Variants in SLC5A3 observed in about 807,000 individuals in gnomAD.
SLC5A3 encodes sodium/myo-inositol cotransporter.
A neutral mutation model predicts 43.2 loss-of-function variants in SLC5A3; 10 were observed. The observed-to-expected ratio is 0.23, with a 90% CI of 0.14 to 0.39. The LOEUF (loss-of-function observed/expected upper bound fraction) is 0.39, where lower values mean the gene tolerates loss of function less well. Among genes scored for constraint, SLC5A3 ranks in the 10% least tolerant of loss-of-function variants. The probability of loss-of-function intolerance (pLI) is 1.00; values close to 1 mark genes in which losing one functional copy is unlikely to be tolerated. For missense variants in SLC5A3, 608 were observed against 893.4 expected (o/e 0.68, Z 4.07); for synonymous variants, 349 against 322.0 (o/e 1.08, Z -0.90).
In SLC5A3 at chr21:34,105,385, A is replaced by G. The variant is rs1300498213; in HGVS notation, c.*8030A>G. ...GTAGTCTTCTTCAAGAAGAAAACCAATTCTTTTTCTAATAATATCCTGTGA... is the reference window on the plus strand; with the variant it reads ...GTAGTCTTCTTCAAGAAGAAAACCAGTTCTTTTTCTAATAATATCCTGTGA... On this transcript the variant is annotated 3_prime_UTR_variant, in exon 2 of 2. Transcript: ENST00000381151. The G allele has an allele frequency of 4.0e-6, 4 of 999,428 alleles. No individual in the cohort carries two copies. The highest frequency in any genetic ancestry group is 2.3e-4 in the East Asian group (2 of 8,836). The allele number at this position is 999,428 out of a possible 1,614,324, so 61.9% of individuals were successfully genotyped here.
Position 34,104,604 on chromosome 21 carries a change from A to G in SLC5A3, c.*7249A>G. 1.0e-6 allele frequency: 1 copy of G among 1,000,216 alleles called. No individual in the cohort carries two copies. Among genetic ancestry groups the G allele is most frequent in the Non-Finnish European group, 1.2e-6 (1 of 829,950 alleles). The allele number at this position is 1,000,216 out of a possible 1,614,324, so 62.0% of individuals were successfully genotyped here. A position where few individuals can be genotyped will look rare whatever the true frequency, so the allele number is the denominator to read the frequency against. ...GAGATGTTTTAGAAGAGTTAACCTG[A>G]ACACTTTGAGGGAGAGATTATTCTT... is the stretch of plus-strand genomic sequence containing the variant. On this transcript the variant is annotated 3_prime_UTR_variant, in exon 2 of 2. Transcript: ENST00000381151.
At position 34,075,951 on chromosome 21, in the gene SLC5A3, G is replaced by C. The variant is rs931567175; in HGVS notation, c.-337+2206G>C. Among the ~76,000 whole-genome samples the C allele has an allele frequency of 3.9e-5, 6 of 152,216 alleles. No individual in the cohort carries two copies. In the South Asian group the frequency reaches 1.2e-3, roughly 32 times the overall value. On this transcript the variant is annotated intron_variant, in intron 1 of 1. Coordinates refer to ENST00000381151, the MANE Select transcript of SLC5A3 (RefSeq NM_006933.7). ...CTTGGAGAAACCACAGTTCTAACCC[G>C]AGGCACTTTGTGCTTCTGTTGCAAG...
At position 34,105,264 on chromosome 21, in the gene SLC5A3, G is replaced by A. The variant is rs1979426706; in HGVS notation, c.*7909G>A. 3.0e-6 allele frequency: 3 copies of A among 1,000,036 alleles called. No homozygotes were observed. The highest frequency in any genetic ancestry group is 3.6e-6 in the Non-Finnish European group (3 of 829,988). 61.9% of individuals were successfully genotyped at this position (1,000,036 alleles called of 1,614,324 possible). ...CCCATTTTCTTTTGTCCAGACCCAT[G>A]TTGGCAATCATGTATGAACTGTGTT... On this transcript the variant is annotated 3_prime_UTR_variant, in exon 2 of 2. Transcript: ENST00000381151.
At position 34,104,660 on chromosome 21, in the gene SLC5A3, A is replaced by G; in HGVS notation, c.*7305A>G. ...CAAAAAGCTAGCCAGGAATGAGCCT[A>G]CCACATTATTTGAGAATATCAAACC... On this transcript the variant is annotated 3_prime_UTR_variant, in exon 2 of 2. Coordinates refer to ENST00000381151, the MANE Select transcript of SLC5A3 (RefSeq NM_006933.7). The G allele has an allele frequency of 1.0e-6, 1 of 1,000,294 alleles. No homozygotes were observed. The highest frequency in any genetic ancestry group is 1.2e-6 in the Non-Finnish European group (1 of 829,982). The allele number at this position is 1,000,294 out of a possible 1,614,324, so 62.0% of individuals were successfully genotyped here.
In SLC5A3 at chr21:34,097,246, T is replaced by A; in HGVS notation, c.2048T>A (p.Val683Asp). 1 of 1,614,076 alleles carries A rather than the reference T, an allele frequency of 6.2e-7. No homozygotes were observed. The highest frequency in any genetic ancestry group is 1.3e-5 in the African/African-American group (1 of 75,042). The change falls in exon 2 of 2, where the codon GTT becomes GAT. Residue 683 changes from valine to aspartate, a missense_variant. Val to Asp is a radical substitution (Grantham distance 152, BLOSUM62 -3). Around this residue, in one of 2 missense-constraint regions of SLC5A3, gnomAD observed 210 missense variants for 224.8 expected, o/e 0.93. Transcript: ENST00000381151. ...AGAGACCTGATGGAAGAGGAGGCTGTTTGTTTACAGATGCTAGAAGAGACT... is the reference window on the plus strand; with the variant it reads ...AGAGACCTGATGGAAGAGGAGGCTGATTGTTTACAGATGCTAGAAGAGACT... The part of the protein sequence containing the change: ...SLRDLMEEEA[V>D]CLQMLEETRQ...
In SLC5A3 at chr21:34,095,375, T is replaced by C; in HGVS notation, c.177T>C (p.Asn59=). 4 of 1,614,118 alleles carry C rather than the reference T, an allele frequency of 2.5e-6. No individual in the cohort carries two copies. The highest frequency in any genetic ancestry group is 3.4e-6 in the Non-Finnish European group (4 of 1,179,994). The change falls in exon 2 of 2, where the codon AAT becomes AAC. Residue 59 remains asparagine, a synonymous_variant. Coordinates refer to ENST00000381151, the MANE Select transcript of SLC5A3 (RefSeq NM_006933.7). ...VAIGASLFVS[N]IGSEHFIGLA... Reference sequence around the variant, plus strand: ...TTGGTGCCTCTCTGTTTGTGAGCAATATTGGGAGTGAGCACTTCATTGGGC... The same window carrying C: ...TTGGTGCCTCTCTGTTTGTGAGCAACATTGGGAGTGAGCACTTCATTGGGC...
chr21:34,094,383 A>G (rs898220105), intron 1 of SLC5A3, among the ~76,000 whole-genome samples: 3 of 152,136 alleles, frequency 2.0e-5, no homozygotes, highest in African/African-American at 7.2e-5. Context: ...ACATCTAGTA[A>G]ACACCACCTG....
chr21:34,089,831 TGAG>T (rs1392418393), intron 1 of SLC5A3, among the ~76,000 whole-genome samples: 1 of 152,170 alleles, frequency 6.6e-6, no homozygotes, highest in Non-Finnish European at 1.5e-5. Flanking sequence ...TTTAAAAACT[TGAG>T]GGTGCAAGTT....
Position 34,073,711 on chromosome 21 carries a change from A to AAT in SLC5A3, c.-371_-370insAT. 6.6e-7 allele frequency: 1 copy of AAT among 1,525,098 alleles called. No homozygotes were observed. Among genetic ancestry groups the AAT allele is most frequent in the Non-Finnish European group, 8.9e-7 (1 of 1,129,368 alleles). The allele number at this position is 1,525,098 out of a possible 1,614,324, so 94.5% of individuals were successfully genotyped here. A position where few individuals can be genotyped will look rare whatever the true frequency, so the allele number is the denominator to read the frequency against. On this transcript the variant is annotated 5_prime_UTR_variant, in exon 1 of 2. The change creates a premature stop within an existing upstream ORF in the 5' untranslated region. Coordinates refer to ENST00000381151, the MANE Select transcript of SLC5A3 (RefSeq NM_006933.7). Reference sequence around the variant, plus strand: ...GCCGATCCTCCAGGCATGCCCCGCTACGAGCTGGCTTTAATCCTGAAAGCC... The same window carrying AAT: ...GCCGATCCTCCAGGCATGCCCCGCTAATCGAGCTGGCTTTAATCCTGAAAGCC...
At chr21:34,075,540 G>C (rs139406961) in intron 1 of SLC5A3, among the ~76,000 whole-genome samples, 2,714 of 151,870 alleles carry the variant, frequency 0.018, 31 homozygotes, top group Middle Eastern at 0.037. Context: ...TGAGGGAAGG[G>C]GGGCAAAAAA....
At chr21:34,081,615 A>G (rs1420339176) in intron 1 of SLC5A3, among the ~76,000 whole-genome samples, 3 of 152,162 alleles carry the variant, frequency 2.0e-5, no homozygotes, top group African/African-American at 7.2e-5. Context: ...TGTAGCACCT[A>G]CTTCCTAAGG....
chr21:34,097,394 T>C lies in SLC5A3; in HGVS notation c.*39T>C. 4 of 1,473,182 alleles carry C rather than the reference T, an allele frequency of 2.7e-6. No individual in the cohort carries two copies. Among genetic ancestry groups the C allele is most frequent in the Non-Finnish European group, 3.6e-6 (4 of 1,121,394 alleles). The allele number at this position is 1,473,182 out of a possible 1,614,324, so 91.3% of individuals were successfully genotyped here. A position where few individuals can be genotyped will look rare whatever the true frequency, so the allele number is the denominator to read the frequency against. On this transcript the variant is annotated 3_prime_UTR_variant, in exon 2 of 2. Coordinates refer to ENST00000381151, the MANE Select transcript of SLC5A3 (RefSeq NM_006933.7). ...GTGAGACACTAACTTAAGACAATAC[T>C]GACTGGTCTTTGGGGAAAAAAGTTA...
At position 34,105,238 on chromosome 21, in the gene SLC5A3, T is replaced by C; in HGVS notation, c.*7883T>C. 1 of 1,000,274 alleles carries C rather than the reference T, an allele frequency of 1.0e-6. No individual in the cohort carries two copies. The highest frequency in any genetic ancestry group is 1.7e-5 in the African/African-American group (1 of 57,370). 62.0% of individuals were successfully genotyped at this position (1,000,274 alleles called of 1,614,324 possible). ...GATTTACCCGTTCTTTGCTTGGACA[T>C]CCCATTTTCTTTTGTCCAGACCCAT... On this transcript the variant is annotated 3_prime_UTR_variant, in exon 2 of 2. Transcript: ENST00000381151.
In SLC5A3 at chr21:34,102,754, A is replaced by G; in HGVS notation, c.*5399A>G. 1.0e-6 allele frequency: 1 copy of G among 1,000,190 alleles called. No homozygotes were observed. The allele number at this position is 1,000,190 out of a possible 1,614,324, so 62.0% of individuals were successfully genotyped here. On this transcript the variant is annotated 3_prime_UTR_variant, in exon 2 of 2. Transcript: ENST00000381151. ...CTCAGATTTTTCGTAGTGTGGGAACAGTGGTTTTGCTCTATACCACTGAAA... is the reference window on the plus strand; with the variant it reads ...CTCAGATTTTTCGTAGTGTGGGAACGGTGGTTTTGCTCTATACCACTGAAA...
Position 34,102,564 on chromosome 21 carries a change from G to A in SLC5A3, c.*5209G>A. The A allele has an allele frequency of 1.0e-6, 1 of 999,940 alleles. No homozygotes were observed. Among genetic ancestry groups the A allele is most frequent in the Non-Finnish European group, 1.2e-6 (1 of 829,804 alleles). 61.9% of individuals were successfully genotyped at this position (999,940 alleles called of 1,614,324 possible). A position where few individuals can be genotyped will look rare whatever the true frequency, so the allele number is the denominator to read the frequency against. Reference sequence around the variant, plus strand: ...TAATCTTGTGCACTTTACTTTTTGGGCAGTACCATACATAGTCTGAGGCTA... The same window carrying A: ...TAATCTTGTGCACTTTACTTTTTGGACAGTACCATACATAGTCTGAGGCTA... On this transcript the variant is annotated 3_prime_UTR_variant, in exon 2 of 2. Coordinates refer to ENST00000381151, the MANE Select transcript of SLC5A3 (RefSeq NM_006933.7).
At chr21:34,084,332 G>A (rs1486236833) in intron 1 of SLC5A3, among the ~76,000 whole-genome samples, 2 of 152,108 alleles carry the variant, frequency 1.3e-5, no homozygotes, top group Non-Finnish European at 2.9e-5. Context: ...GAGCAGAAGC[G>A]ATTTCCTTCT....
At chr21:34,077,210 T>C (rs1989353187) in intron 1 of SLC5A3, among the ~76,000 whole-genome samples, 2 of 152,316 alleles carry the variant, frequency 1.3e-5, no homozygotes, top group African/African-American at 4.8e-5. Context: ...GGTAAAAGAC[T>C]GAAGTGCCAA....
chr21:34,098,162 A>G lies in SLC5A3; in HGVS notation c.*807A>G, dbSNP rs1265210702. 5.5e-5 allele frequency: 55 copies of G among 999,948 alleles called. No individual in the cohort carries two copies. Among genetic ancestry groups the G allele is most frequent in the Non-Finnish European group, 6.4e-5 (53 of 829,920 alleles). The allele number at this position is 999,948 out of a possible 1,614,324, so 61.9% of individuals were successfully genotyped here. ...TTTATTGATCATATTAAGGTTGTTTATATAGTTTGGAAATGACCAGCCCCC... is the reference window on the plus strand; with the variant it reads ...TTTATTGATCATATTAAGGTTGTTTGTATAGTTTGGAAATGACCAGCCCCC... On this transcript the variant is annotated 3_prime_UTR_variant, in exon 2 of 2. Coordinates refer to ENST00000381151, the MANE Select transcript of SLC5A3 (RefSeq NM_006933.7).
At chr21:34,086,506 C>G (rs1978384493) in intron 1 of SLC5A3, among the ~76,000 whole-genome samples, 1 of 127,534 alleles carries the variant, frequency 7.8e-6, no homozygotes, top group Admixed American at 8.9e-5. Context: ...GTGTTTATTT[C>G]TAGTTTGTGT....
Sources: allele counts gnomAD v4.1 joint callset (sites outside exome capture counted in the v4.1 genomes callset), GRCh38; gene constraint gnomAD v4.1.1; regional missense constraint gnomAD v4.1.1; transcripts MANE v1.5; gene names NCBI Gene and HGNC (gene_info 2026-07-23, HGNC 2026-07-21).